CCSER1: variants seen among roughly 807,000 people sequenced by gnomAD.
CCSER1 encodes serine-rich coiled-coil domain-containing protein 1.
Under a neutral mutation model 82.0 loss-of-function variants are expected in CCSER1, and 41 were observed. The ratio of observed to expected loss-of-function variants is 0.50; its 90% CI spans 0.39 to 0.65. The LOEUF is 0.65. Ranked by LOEUF, CCSER1 falls within the 30% of genes least tolerant of loss-of-function variation. The pLI, the probability that CCSER1 is intolerant of heterozygous loss-of-function variation, is 0.00. For missense variants in CCSER1, 1,119 were observed against 1,064.2 expected (o/e 1.05, Z -0.72); for synonymous variants, 414 against 383.9 (o/e 1.08, Z -0.92).
chr4:90,870,576 T>A (rs960010128), intron 8 of CCSER1, among the ~76,000 whole-genome samples: 2 of 151,758 alleles, frequency 1.3e-5, no homozygotes, highest in Non-Finnish European at 3.0e-5. Context: ...TGTGTTGTTG[T>A]GTTCTGTTTG....
chr4:91,213,728 G>C (rs896264630), intron 10 of CCSER1, among the ~76,000 whole-genome samples: 7 of 152,102 alleles, frequency 4.6e-5, no homozygotes, highest in Admixed American at 2.0e-4. Flanking sequence ...AGTCATTGTA[G>C]CAATAGACAC....
At chr4:90,264,012 C>T (rs555877203) in intron 1 of CCSER1, among the ~76,000 whole-genome samples, 1 of 152,262 alleles carries the variant, frequency 6.6e-6, no homozygotes, top group South Asian at 2.1e-4. Flanking sequence ...ATTTTTTAGG[C>T]ATAAAGCTAC....
chr4:90,241,701 A>T (rs1746874834), intron 1 of CCSER1, among the ~76,000 whole-genome samples: 1 of 152,218 alleles, frequency 6.6e-6, no homozygotes, highest in South Asian at 2.1e-4. Context: ...GGTTAAAAAA[A>T]TGCCAACATG....
At chr4:91,343,669 C>G (rs12186166) in intron 10 of CCSER1, among the ~76,000 whole-genome samples, 1 of 151,764 alleles carries the variant, frequency 6.6e-6, no homozygotes, top group East Asian at 1.9e-4. Context: ...AATTTTTAAT[C>G]AAATTTTAGC....
intron 9 of CCSER1, among the ~76,000 whole-genome samples, chr4:91,078,576 T>A (rs888842086): frequency 2.6e-5 from 4 of 152,240 alleles, no homozygotes; most frequent in African/African-American, 9.6e-5. Context: ...GGACAGAGAA[T>A]GACTTTGATG....
intron 10 of CCSER1, among the ~76,000 whole-genome samples, chr4:91,444,553 G>C (rs182133044): frequency 4.7e-4 from 72 of 151,912 alleles, no homozygotes; most frequent in African/African-American, 1.7e-3. Context: ...GGGTTCAAGC[G>C]ATCCTCCTGC....
chr4:91,508,878 G>A (rs940422403), intron 10 of CCSER1, among the ~76,000 whole-genome samples: 1 of 151,564 alleles, frequency 6.6e-6, no homozygotes, highest in African/African-American at 2.4e-5. Context: ...ATTGGTATAT[G>A]GTGATTCATA....
At chr4:91,411,507 T>TATATATATATATATATATACACACAC (rs1553934202) in intron 10 of CCSER1, among the ~76,000 whole-genome samples, 11 of 67,298 alleles carry the variant, frequency 1.6e-4, no homozygotes, top group African/African-American at 4.8e-4. Flanking sequence ...TATATATATA[T>TATATATATATATATATATACACACAC]ATATATATAT....
intron 10 of CCSER1, among the ~76,000 whole-genome samples, chr4:91,303,833 A>C (rs1020241390): frequency 3.3e-5 from 5 of 151,962 alleles, no homozygotes; most frequent in Non-Finnish European, 7.4e-5. Flanking sequence ...CAACAAAACT[A>C]AAACTAACTA....
chr4:90,177,158 A>G (rs535395746), intron 1 of CCSER1, among the ~76,000 whole-genome samples: 113 of 152,270 alleles, frequency 7.4e-4, no homozygotes, highest in African/African-American at 2.6e-3. Flanking sequence ...ATCTCTGAAT[A>G]TGAAAGGCAT....
chr4:91,141,616 C>T (rs1340098307), intron 10 of CCSER1, among the ~76,000 whole-genome samples: 1 of 152,100 alleles, frequency 6.6e-6, no homozygotes, highest in African/African-American at 2.4e-5. Context: ...TTTGGTAGAA[C>T]AATTTTTTTT....
intron 3 of CCSER1, among the ~76,000 whole-genome samples, chr4:90,325,185 C>T (rs11722282): frequency 0.16 from 24,897 of 152,084 alleles, 2,602 homozygotes; most frequent in South Asian, 0.23. Context: ...GACAATCACT[C>T]GGGGTTCTAT....
intron 5 of CCSER1, among the ~76,000 whole-genome samples, chr4:90,514,370 A>G (rs1273587861): frequency 1.3e-5 from 2 of 152,172 alleles, no homozygotes; most frequent in African/African-American, 4.8e-5. Context: ...GTATTTCTTT[A>G]AATAATTATA....
intron 5 of CCSER1, among the ~76,000 whole-genome samples, chr4:90,499,592 A>G (rs913947363): frequency 6.6e-6 from 1 of 152,048 alleles, no homozygotes; most frequent in African/African-American, 2.4e-5. Context: ...TTTTCACACT[A>G]TCTATTTGCC....
At chr4:90,494,809 C>A (rs1037437177) in intron 5 of CCSER1, among the ~76,000 whole-genome samples, 6 of 152,114 alleles carry the variant, frequency 3.9e-5, no homozygotes, top group African/African-American at 1.4e-4. Context: ...CCAACATATA[C>A]ACTTTTACAA....
At chr4:90,441,652 A>G (rs1759896497) in intron 4 of CCSER1, among the ~76,000 whole-genome samples, 1 of 152,216 alleles carries the variant, frequency 6.6e-6, no homozygotes, top group Non-Finnish European at 1.5e-5. Context: ...CTGTGTTGCT[A>G]CTATGCCATT....
intron 3 of CCSER1, among the ~76,000 whole-genome samples, chr4:90,342,229 G>C (rs1452788011): frequency 6.6e-6 from 1 of 152,176 alleles, no homozygotes; most frequent in Non-Finnish European, 1.5e-5. Context: ...GTTGAACTGA[G>C]AATGGGTGAG....
intron 6 of CCSER1, among the ~76,000 whole-genome samples, chr4:90,662,525 G>C (rs1311680433): frequency 6.6e-6 from 1 of 152,002 alleles, no homozygotes; most frequent in East Asian, 1.9e-4. Context: ...AAAAGTAAAT[G>C]TTTTTTAGTC....
chr4:90,665,003 G>T (rs1731466084), intron 6 of CCSER1, among the ~76,000 whole-genome samples: 1 of 152,172 alleles, frequency 6.6e-6, no homozygotes, highest in African/African-American at 2.4e-5. Flanking sequence ...TGTTTGCGAA[G>T]ATTACTATAT....
Sources: allele counts gnomAD v4.1 joint callset (sites outside exome capture counted in the v4.1 genomes callset), GRCh38; gene constraint gnomAD v4.1.1; transcripts MANE v1.5; gene names NCBI Gene and HGNC (gene_info 2026-07-23, HGNC 2026-07-21).